IQSEC1: variants seen among roughly 807,000 people sequenced by gnomAD.
IQSEC1 encodes the protein IQ motif and Sec7 domain ArfGEF 1, also known as IQ motif and SEC7 domain-containing protein 1.
In IQSEC1, 31 loss-of-function variants were observed where a neutral mutation model predicts 91.0. The ratio of observed to expected loss-of-function variants is 0.34; its 90% CI spans 0.26 to 0.46. IQSEC1 has a LOEUF of 0.46. IQSEC1 is among the 20% of genes least tolerant of loss of function. The pLI is 1.00. For synonymous variants in IQSEC1, 699 were observed against 662.6 expected (o/e 1.05, Z -0.84); for missense variants, 1,388 against 1,575.6 (o/e 0.88, Z 2.02).
At chr3:13,191,057 G>A (rs371117708) in intron 1 of IQSEC1, among the ~76,000 whole-genome samples, 4 of 152,162 alleles carry the variant, frequency 2.6e-5, no homozygotes, top group African/African-American at 9.7e-5. Context: ...GACATACCCC[G>A]GTTCAGCATA....
chr3:13,041,360 T>C (rs1488600836), intron 1 of IQSEC1, among the ~76,000 whole-genome samples: 2 of 152,166 alleles, frequency 1.3e-5, no homozygotes, highest in Non-Finnish European at 2.9e-5. Context: ...ACTTCCTTTC[T>C]ACAGCTGCCG....
intron 1 of IQSEC1, among the ~76,000 whole-genome samples, chr3:13,268,215 G>A (rs113207403): frequency 1.2e-3 from 189 of 152,356 alleles, no homozygotes; most frequent in African/African-American, 4.3e-3. Flanking sequence ...AGGATGCCAA[G>A]AGCACTGGTT....
intron 1 of IQSEC1, among the ~76,000 whole-genome samples, chr3:13,216,821 T>C (rs1238263439): frequency 6.6e-6 from 1 of 152,200 alleles, no homozygotes. Context: ...CATTAGCACA[T>C]GGAATACACA....
At chr3:13,071,227 C>T (rs1705415308) in intron 1 of IQSEC1, among the ~76,000 whole-genome samples, 2 of 151,376 alleles carry the variant, frequency 1.3e-5, no homozygotes, top group South Asian at 2.1e-4. Context: ...ACAACCCCCA[C>T]CCCAGGCTAG....
intron 1 of IQSEC1, among the ~76,000 whole-genome samples, chr3:12,978,713 A>T (rs957436417): frequency 1.0e-4 from 15 of 149,594 alleles, no homozygotes; most frequent in African/African-American, 3.8e-4. Context: ...TCAAAAAAAA[A>T]AATAAATAAA....
At chr3:13,060,339 C>T (rs907283197) in intron 1 of IQSEC1, among the ~76,000 whole-genome samples, 1 of 152,120 alleles carries the variant, frequency 6.6e-6, no homozygotes, top group African/African-American at 2.4e-5. Context: ...AGTAGGAAGG[C>T]TGAAGAGGGC....
At chr3:13,229,157 G>A (rs1275197235) in intron 1 of IQSEC1, among the ~76,000 whole-genome samples, 1 of 152,182 alleles carries the variant, frequency 6.6e-6, no homozygotes, top group Admixed American at 6.5e-5. Context: ...AATCCTGACT[G>A]CCTGGGTTCA....
intron 1 of IQSEC1, among the ~76,000 whole-genome samples, chr3:13,237,250 G>C (rs1415923377): frequency 6.6e-6 from 1 of 152,234 alleles, no homozygotes; most frequent in Non-Finnish European, 1.5e-5. Context: ...TGACGCCTGA[G>C]CAAGAGTCCC....
chr3:12,903,017 G>T (rs1694545168), intron 12 of IQSEC1, among the ~76,000 whole-genome samples, 195 bp from the exon 13 acceptor site: 2 of 152,006 alleles, frequency 1.3e-5, no homozygotes, highest in Non-Finnish European at 2.9e-5. Context: ...AGCAGTGCAA[G>T]AATGAATTTT....
chr3:12,991,402 T>C (rs566210277), intron 1 of IQSEC1, among the ~76,000 whole-genome samples: 10 of 152,138 alleles, frequency 6.6e-5, no homozygotes, highest in Non-Finnish European at 1.0e-4. Context: ...ATGGTGGTAA[T>C]GAATGCTGAT....
rs1194106006 is a variant in IQSEC1, at chr3:12,958,779, G to A, written c.24-16914C>T. 4.6e-5 allele frequency among the ~76,000 whole-genome samples: 7 copies of A among 152,198 alleles called. 1 individual carries two copies. The South Asian group carries it at 1.4e-3, about 32-fold the overall frequency. On this transcript the variant is annotated intron_variant, in intron 1 of 13. Coordinates refer to ENST00000613206, the MANE Select transcript of IQSEC1 (RefSeq NM_001134382.3). ...CTAAGCTGGGTTGGGGGCACTCTAT[G>A]TACCAAGCACTGTGCTAGGAGCTAG...
intron 1 of IQSEC1, among the ~76,000 whole-genome samples, chr3:13,210,668 C>T (rs971153538): frequency 3.3e-5 from 5 of 152,110 alleles, no homozygotes; most frequent in South Asian, 2.1e-4. Context: ...CACTAACAGC[C>T]GGGGCTCCTC....
intron 1 of IQSEC1, among the ~76,000 whole-genome samples, chr3:13,049,177 G>A (rs1704600390): frequency 6.6e-6 from 1 of 152,200 alleles, no homozygotes; most frequent in Admixed American, 6.5e-5. Flanking sequence ...TCCTGGATCT[G>A]GACAAGAGGA....
chr3:12,950,154 T>C (rs915391722), intron 1 of IQSEC1, among the ~76,000 whole-genome samples: 1 of 152,144 alleles, frequency 6.6e-6, no homozygotes, highest in Non-Finnish European at 1.5e-5. Flanking sequence ...CCATTCTCCA[T>C]ATGAGAAAAT....
chr3:12,981,296 G>A (rs545570203), intron 1 of IQSEC1, among the ~76,000 whole-genome samples: 2 of 152,324 alleles, frequency 1.3e-5, no homozygotes, highest in East Asian at 3.9e-4. Context: ...GTAGGGCTAA[G>A]TCATTGATAA....
At chr3:12,928,141 C>T (rs868444086) in intron 3 of IQSEC1, among the ~76,000 whole-genome samples, 47 of 151,902 alleles carry the variant, frequency 3.1e-4, no homozygotes, top group African/African-American at 1.1e-3. Flanking sequence ...GGGCACCTGG[C>T]CATGCTGCAG....
At position 12,909,836 on chromosome 3, in the gene IQSEC1, G is replaced by A. The variant is rs957551314; in HGVS notation, c.2417-402C>T. On this transcript the variant is annotated intron_variant, in intron 10 of 13. Coordinates refer to ENST00000613206, the MANE Select transcript of IQSEC1 (RefSeq NM_001134382.3). This position sits in a 1 kb window ranked among gnomAD's most constrained non-coding sequence, Gnocchi z 4.9. ...TGGGGTGCACTATGGGCACTCCACA[G>A]CCAAGGAACCCTGTGCCCAGACCTG... Among the ~76,000 whole-genome samples the A allele has an allele frequency of 6.6e-6, 1 of 152,254 alleles. No homozygotes were observed. The highest frequency in any genetic ancestry group is 2.4e-5 in the African/African-American group (1 of 41,466).
chr3:12,920,943 TG>T (rs1193096614), intron 5 of IQSEC1, among the ~76,000 whole-genome samples: 1 of 152,110 alleles, frequency 6.6e-6, no homozygotes, highest in Non-Finnish European at 1.5e-5. Context: ...CTGCCTGCAA[TG>T]GGGACATCAC....
chr3:13,162,189 C>A (rs895814288), intron 2 of IQSEC1, among the ~76,000 whole-genome samples: 24 of 152,210 alleles, frequency 1.6e-4, no homozygotes, highest in African/African-American at 5.8e-4. Context: ...CGTAAGGGAC[C>A]CGCTGCCCAC....
Sources: gnomAD v4.1 joint callset for allele counts (sites outside exome capture counted in the v4.1 genomes callset) on GRCh38, gnomAD v4.1.1 for gene constraint, Gnocchi (gnomAD v3.1) non-coding constraint, MANE v1.5 for transcripts, NCBI Gene and HGNC (gene_info 2026-07-23, HGNC 2026-07-21) for gene names.